DLC1: variants seen among roughly 807,000 people sequenced by gnomAD.
The protein encoded by DLC1 is DLC1 Rho GTPase activating protein.
In DLC1, 54 loss-of-function variants were observed where a neutral mutation model predicts 140.3. The ratio of observed to expected loss-of-function variants is 0.38; its 90% CI spans 0.31 to 0.48. DLC1 has a LOEUF of 0.48. Ranked by LOEUF, DLC1 falls within the 20% of genes least tolerant of loss-of-function variation. The pLI, the probability that DLC1 is intolerant of heterozygous loss-of-function variation, is 0.96. For missense variants in DLC1, 2,536 were observed against 1,907.0 expected (o/e 1.33, Z -6.14); for synonymous variants, 986 against 728.1 (o/e 1.35, Z -5.70).
At chr8:13,508,477 G>A (rs1210164373) in intron 1 of DLC1, among the ~76,000 whole-genome samples, 4 of 151,590 alleles carry the variant, frequency 2.6e-5, no homozygotes, top group Admixed American at 2.6e-4. Context: ...GAGTGCAGTG[G>A]CGCGATCTGG....
At chr8:13,101,484 T>A (rs1819085766) in intron 8 of DLC1, among the ~76,000 whole-genome samples, 1 of 152,122 alleles carries the variant, frequency 6.6e-6, no homozygotes, top group Non-Finnish European at 1.5e-5. Flanking sequence ...CCTCTTGCAA[T>A]TAAAAAGGTA....
chr8:13,507,606 C>G (rs1299367953), intron 1 of DLC1, among the ~76,000 whole-genome samples: 1 of 152,126 alleles, frequency 6.6e-6, no homozygotes, highest in East Asian at 1.9e-4. Context: ...ATCATTATTC[C>G]TCTACTTTTA....
Position 13,124,595 on chromosome 8 carries a change from C to T in DLC1, c.1349-8938G>A, listed in dbSNP as rs1286365950. Among the ~76,000 whole-genome samples, 4 of 152,290 alleles carry T rather than the reference C, an allele frequency of 2.6e-5. No individual in the cohort carries two copies. In the East Asian group the frequency reaches 7.7e-4, roughly 29 times the overall value. On this transcript the variant is annotated intron_variant, in intron 5 of 17. Coordinates refer to ENST00000276297, the MANE Select transcript of DLC1 (RefSeq NM_182643.3). ...CCTTCTGATACTCTATCACAGAGGA[C>T]AAAGCATTACTGTAACAAGTCAGGA... is the stretch of plus-strand genomic sequence containing the variant.
intron 5 of DLC1, among the ~76,000 whole-genome samples, chr8:13,198,198 G>C (rs573541604): frequency 1.5e-3 from 231 of 152,272 alleles, no homozygotes; most frequent in African/African-American, 5.2e-3. Flanking sequence ...GTGTGATCTG[G>C]GCTAATAATT....
intron 5 of DLC1, among the ~76,000 whole-genome samples, chr8:13,156,846 G>C (rs961860614): frequency 6.6e-6 from 1 of 152,190 alleles, no homozygotes; most frequent in Non-Finnish European, 1.5e-5. Flanking sequence ...TTTGAAAATG[G>C]AAACCTTGTT....
chr8:13,453,527 TGTATATATATACATATATATATA>T (rs1799245387), intron 2 of DLC1, among the ~76,000 whole-genome samples: 3 of 55,498 alleles, frequency 5.4e-5, no homozygotes, highest in African/African-American at 2.8e-4. Context: ...TATATATATA[TGTATATATATACATATATATATA>T]TATATATTTT....
chr8:13,562,924 C>T (rs1379019538), intron 1 of DLC1, among the ~76,000 whole-genome samples: 1 of 151,128 alleles, frequency 6.6e-6, no homozygotes, highest in Non-Finnish European at 1.5e-5. Context: ...AAAAAAAACG[C>T]CATAAAGCAA....
chr8:13,125,230 G>T (rs1821450825), intron 5 of DLC1, among the ~76,000 whole-genome samples: 1 of 152,148 alleles, frequency 6.6e-6, no homozygotes, highest in South Asian at 2.1e-4. Flanking sequence ...ATCCGCCTTG[G>T]CCTCCCAAAG....
At chr8:13,152,845 C>T (rs1385340911) in intron 5 of DLC1, among the ~76,000 whole-genome samples, 1 of 55,814 alleles carries the variant, frequency 1.8e-5, no homozygotes, top group African/African-American at 6.2e-5. Flanking sequence ...AAAAAGCAAC[C>T]AACCATAACT....
intron 1 of DLC1, among the ~76,000 whole-genome samples, chr8:13,540,232 C>CT (rs1271087744): frequency 1.3e-5 from 2 of 152,164 alleles, no homozygotes; most frequent in South Asian, 2.1e-4. Context: ...CCAGCAATGG[C>CT]TGGTGAAGAT....
At position 13,124,422 on chromosome 8, in the gene DLC1, C is replaced by T. The variant is rs577838462; in HGVS notation, c.1349-8765G>A. 4.6e-5 allele frequency among the ~76,000 whole-genome samples: 7 copies of T among 152,286 alleles called. No individual in the cohort carries two copies. In the South Asian group the frequency reaches 1.5e-3, roughly 32 times the overall value. On this transcript the variant is annotated intron_variant, in intron 5 of 17. Coordinates refer to ENST00000276297, the MANE Select transcript of DLC1 (RefSeq NM_182643.3). Reference sequence around the variant, plus strand: ...GGAGGAATGCAGTCTGGATTTACTACAATACAGACCAAAAAGCAGGAGTAT... The same window carrying T: ...GGAGGAATGCAGTCTGGATTTACTATAATACAGACCAAAAAGCAGGAGTAT...
chr8:13,214,296 T>A, intron 5 of DLC1: 1 of 213,668 alleles, frequency 4.7e-6, no homozygotes, highest in East Asian at 1.1e-4. Flanking sequence ...AGGGAGGGCA[T>A]CCGTAAATGA....
At chr8:13,160,980 C>T (rs191300418) in intron 5 of DLC1, among the ~76,000 whole-genome samples, 7 of 152,196 alleles carry the variant, frequency 4.6e-5, no homozygotes, top group Non-Finnish European at 5.9e-5. Context: ...ACTTGGGAGG[C>T]GGAGGCAGGA....
intron 5 of DLC1, among the ~76,000 whole-genome samples, chr8:13,159,194 G>A (rs957533786): frequency 6.6e-6 from 1 of 152,162 alleles, no homozygotes; most frequent in African/African-American, 2.4e-5. Flanking sequence ...CCAAGAAACT[G>A]TAAGAGATTG....
At chr8:13,245,057 G>A (rs184022231) in intron 5 of DLC1, among the ~76,000 whole-genome samples, 6 of 152,156 alleles carry the variant, frequency 3.9e-5, no homozygotes, top group Admixed American at 2.6e-4. Context: ...GTAACCAACA[G>A]AATGTAGCTG....
chr8:13,591,748 TCA>T lies in DLC1; in HGVS notation c.-126+12787_-126+12788del, dbSNP rs200329049. 0.013 allele frequency among the ~76,000 whole-genome samples: 1,978 copies of T among 152,186 alleles called. 65 individuals are homozygous for T. In the East Asian group the frequency reaches 0.14, roughly 11 times the overall value. ...ATTTTAGAGGTAGAACTGACAGAAT[TCA>T]TGGATATGTCAGATATGAAATTTGA... On this transcript the variant is annotated intron_variant, in intron 1 of 1. Coordinates refer to the DLC1 transcript ENST00000631382.
At chr8:13,544,579 C>T (rs150517883) in intron 1 of DLC1, among the ~76,000 whole-genome samples, 2 of 152,242 alleles carry the variant, frequency 1.3e-5, no homozygotes, top group African/African-American at 4.8e-5. Context: ...GCAGCTGGGG[C>T]TGCTCCATTA....
At chr8:13,542,057 C>T (rs1488919981) in intron 1 of DLC1, among the ~76,000 whole-genome samples, 1 of 152,180 alleles carries the variant, frequency 6.6e-6, no homozygotes, top group African/African-American at 2.4e-5. Context: ...GCAACTGTTT[C>T]TAATTATGTT....
intron 5 of DLC1, among the ~76,000 whole-genome samples, chr8:13,256,769 G>T (rs996690410): frequency 2.6e-5 from 4 of 151,590 alleles, no homozygotes; most frequent in African/African-American, 4.8e-5. Flanking sequence ...AATACCTAAG[G>T]CATGCAGATC....
Sources: gnomAD v4.1 joint callset for allele counts (sites outside exome capture counted in the v4.1 genomes callset) on GRCh38, gnomAD v4.1.1 for gene constraint, MANE v1.5 for transcripts, NCBI Gene and HGNC (gene_info 2026-07-23, HGNC 2026-07-21) for gene names.